The following IAPP variants were observed in gnomAD, a reference collection of about 807,000 sequenced individuals.
The protein encoded by IAPP is Islet amyloid polypeptide (diabetes-associated peptide; amylin).
Under a neutral mutation model 2.9 loss-of-function variants are expected in IAPP, and 4 were observed. The observed-to-expected ratio is 1.39, with a 90% CI of 0.69 to 3.19. IAPP has a LOEUF of 3.19. Ranked by LOEUF, IAPP falls within the 30% of genes most tolerant of loss-of-function variation. The pLI, the probability that IAPP is intolerant of heterozygous loss-of-function variation, is 0.01. For synonymous variants in IAPP, 40 were observed against 42.1 expected (o/e 0.95, Z 0.19); for missense variants, 114 against 105.3 (o/e 1.08, Z -0.36).
At position 21,365,277 on chromosome 12, in the gene IAPP, A is replaced by G. The variant is rs571131488; in HGVS notation, c.-15-8060A>G. 1.1e-4 allele frequency among the ~76,000 whole-genome samples: 16 copies of G among 152,344 alleles called. No individual in the cohort carries two copies. In the East Asian group the frequency reaches 2.3e-3, roughly 22 times the overall value. On this transcript the variant is annotated intron_variant, in intron 1 of 2. Transcript: ENST00000539393. ...AACCATCTGATCTTTGACAAACCTG[A>G]CAAAAACAAGAAATGGGGAAAGGAT...
In IAPP at chr12:21,378,593, G is replaced by T; in HGVS notation, c.*167G>T. 1.8e-6 allele frequency: 1 copy of T among 554,624 alleles called. No individual in the cohort carries two copies. Among genetic ancestry groups the T allele is most frequent in the Non-Finnish European group, 3.2e-6 (1 of 313,966 alleles). 34.4% of individuals were successfully genotyped at this position (554,624 alleles called of 1,614,324 possible). A position where few individuals can be genotyped will look rare whatever the true frequency, so the allele number is the denominator to read the frequency against. On this transcript the variant is annotated 3_prime_UTR_variant, in exon 3 of 3. Coordinates refer to ENST00000240652, the MANE Select transcript of IAPP (RefSeq NM_000415.3). ...TGTTTTATATGTAGTACTAACTAAGGTCCCATAATAAAAAGATAGTATCTT... is the reference window on the plus strand; with the variant it reads ...TGTTTTATATGTAGTACTAACTAAGTTCCCATAATAAAAAGATAGTATCTT...
chr12:21,360,860 G>A lies in IAPP; in HGVS notation c.-16+5847G>A, dbSNP rs149824493. ...GGGGAGGGGCGTCCGCCATTGCTGA[G>A]GCTTGAGAAGGTAAACAAAGCAGCT... On this transcript the variant is annotated intron_variant, in intron 1 of 2. Transcript: ENST00000539393. 7.0e-3 allele frequency among the ~76,000 whole-genome samples: 1,061 copies of A among 152,320 alleles called. 9 individuals carry two copies. Among genetic ancestry groups the A allele is most frequent in the Non-Finnish European group, 0.013 (884 of 68,036 alleles).
intron 1 of IAPP, among the ~76,000 whole-genome samples, chr12:21,359,695 C>A (rs560965374): frequency 6.6e-6 from 1 of 151,144 alleles, no homozygotes; most frequent in South Asian, 2.1e-4. Context: ...TGCAGTGAGC[C>A]GAGATCGTGC....
chr12:21,357,958 T>C (rs1191811142), intron 1 of IAPP, among the ~76,000 whole-genome samples: 2 of 152,110 alleles, frequency 1.3e-5, no homozygotes, highest in African/African-American at 4.8e-5. Flanking sequence ...AAGCTCTAAG[T>C]GAGAGGGCAC....
At chr12:21,368,056 G>A (rs181294182), upstream of IAPP, among the ~76,000 whole-genome samples, 37 of 152,252 alleles carry the variant, frequency 2.4e-4, no homozygotes, top group Non-Finnish European at 5.0e-4. Context: ...GCTAAAACCA[G>A]TAAATGAAAG....
In IAPP at chr12:21,373,436, G is replaced by C. The variant is rs770919028; in HGVS notation, c.80+5G>C. The C allele has an allele frequency of 6.2e-7, 1 of 1,602,982 alleles. No individual in the cohort carries two copies. Among genetic ancestry groups the C allele is most frequent in the Admixed American group, 1.7e-5 (1 of 59,958 alleles). ...GAAAGCTACACCCATTGAAAGGTTG[G>C]TAACTTTAAAATCCTGTTTCTTTGT... On this transcript the variant is annotated splice_donor_5th_base_variant and intron_variant, in intron 2 of 2. Transcript: ENST00000240652.
chr12:21,377,715 G>A (rs944503981), intron 2 of IAPP, among the ~76,000 whole-genome samples: 8 of 152,064 alleles, frequency 5.3e-5, no homozygotes, highest in Non-Finnish European at 7.4e-5. Flanking sequence ...AGGTTCATCC[G>A]TGTGTTGCAT....
intron 2 of IAPP, among the ~76,000 whole-genome samples, chr12:21,375,491 T>C (rs150172045): frequency 1.9e-3 from 295 of 152,336 alleles, no homozygotes; most frequent in African/African-American, 6.8e-3. Flanking sequence ...AATCATCTCA[T>C]TTGAGATTTT....
intron 1 of IAPP, among the ~76,000 whole-genome samples, chr12:21,355,965 A>T (rs1938331890): frequency 6.6e-6 from 1 of 152,162 alleles, no homozygotes; most frequent in African/African-American, 2.4e-5. Context: ...GTAACAGCAT[A>T]TCAGATACAG....
In IAPP at chr12:21,373,329, C is replaced by G. The variant is rs1341094694; in HGVS notation, c.-15-8C>G. ...CTCTTGATTTCAGTGCTGGATTATT[C>G]TTTGCAGAAAATTTGAGAAGCAATG... On this transcript the variant is annotated splice_region_variant and splice_polypyrimidine_tract_variant and intron_variant, in intron 1 of 2. Transcript: ENST00000240652. 1.3e-6 allele frequency: 2 copies of G among 1,544,978 alleles called. No homozygotes were observed. Among genetic ancestry groups the G allele is most frequent in the East Asian group, 4.5e-5 (2 of 44,456 alleles).
At chr12:21,371,529 A>C (rs2137085948), upstream of IAPP, among the ~76,000 whole-genome samples, 1 of 152,300 alleles carries the variant, frequency 6.6e-6, no homozygotes, top group Non-Finnish European at 1.5e-5. Flanking sequence ...ACCTTCAAAC[A>C]ATGTTACAAA....
intron 2 of IAPP, among the ~76,000 whole-genome samples, chr12:21,377,579 C>A (rs774573239): frequency 1.3e-5 from 2 of 152,160 alleles, no homozygotes; most frequent in African/African-American, 2.4e-5. Context: ...CTCTCCCTTG[C>A]CCCTGATAAC....
At chr12:21,359,302 G>C (rs922984482) in intron 1 of IAPP, among the ~76,000 whole-genome samples, 9 of 151,876 alleles carry the variant, frequency 5.9e-5, no homozygotes, top group African/African-American at 2.2e-4. Context: ...TCACCATAAA[G>C]GGAAGAAGAA....
chr12:21,364,910 T>C (rs895467584), intron 1 of IAPP, among the ~76,000 whole-genome samples: 2 of 152,086 alleles, frequency 1.3e-5, no homozygotes, highest in East Asian at 1.9e-4. Flanking sequence ...CACAAACAAA[T>C]GGAAGAACAT....
chr12:21,359,384 T>C (rs951052016), intron 1 of IAPP, among the ~76,000 whole-genome samples: 2 of 152,116 alleles, frequency 1.3e-5, no homozygotes, highest in Admixed American at 1.3e-4. Context: ...TATTCACTCC[T>C]TGTGTAAAAC....
At chr12:21,361,083 C>G (rs527567239) in intron 1 of IAPP, among the ~76,000 whole-genome samples, 1 of 152,336 alleles carries the variant, frequency 6.6e-6, no homozygotes, top group African/African-American at 2.4e-5. Context: ...GGAAAGACTG[C>G]CTCCTCAAGT....
chr12:21,357,240 AC>A (rs1938439943), intron 1 of IAPP, among the ~76,000 whole-genome samples: 1 of 152,062 alleles, frequency 6.6e-6, no homozygotes, highest in Non-Finnish European at 1.5e-5. Flanking sequence ...ATACTTTGAG[AC>A]CCTAGTATAA....
chr12:21,374,180 C>T lies in IAPP; in HGVS notation c.80+749C>T, dbSNP rs140320038. On this transcript the variant is annotated intron_variant, in intron 2 of 2. Coordinates refer to ENST00000240652, the MANE Select transcript of IAPP (RefSeq NM_000415.3). ...ATGTCATTTAAATGGTAATTAAGGACATCTAACAACTATGTCACGTAAAAC... is the reference window on the plus strand; with the variant it reads ...ATGTCATTTAAATGGTAATTAAGGATATCTAACAACTATGTCACGTAAAAC... Among the ~76,000 whole-genome samples the T allele has an allele frequency of 4.5e-4, 69 of 152,208 alleles. 1 individual carries two copies. Among genetic ancestry groups the T allele is most frequent in the African/African-American group, 1.5e-3 (62 of 41,532 alleles).
chr12:21,367,406 T>C (rs976367693), intron 1 of IAPP, among the ~76,000 whole-genome samples: 18 of 152,048 alleles, frequency 1.2e-4, no homozygotes, highest in African/African-American at 4.1e-4. Context: ...TACGTAGCAA[T>C]CCTAGAAAGC....
Sources: allele counts gnomAD v4.1 joint callset (sites outside exome capture counted in the v4.1 genomes callset), GRCh38; gene constraint gnomAD v4.1.1; transcripts MANE v1.5; gene names NCBI Gene and HGNC (gene_info 2026-07-23, HGNC 2026-07-21).